Variants in NELL2 observed in about 807,000 individuals in gnomAD.
The protein encoded by NELL2 is neural EGFL like 2.
Under a neutral mutation model 109.6 loss-of-function variants are expected in NELL2, and 41 were observed. The observed-to-expected ratio is 0.37, with a 90% confidence interval of 0.29 to 0.49. The LOEUF (loss-of-function observed/expected upper bound fraction) is 0.49. Ranked by LOEUF, NELL2 falls within the 20% of genes least tolerant of loss-of-function variation. NELL2 has a pLI of 0.98. For missense variants in NELL2, 900 were observed against 1,008.3 expected (o/e 0.89, Z 1.45); for synonymous variants, 355 against 344.7 (o/e 1.03, Z -0.33).
intron 3 of NELL2, among the ~76,000 whole-genome samples, chr12:44,787,366 AAT>A (rs1942217351): frequency 6.6e-6 from 1 of 152,200 alleles, no homozygotes; most frequent in Non-Finnish European, 1.5e-5. Flanking sequence ...ATAAATGTTT[AAT>A]ATAATTCCTA....
At chr12:44,631,363 G>A (rs1946451789) in intron 13 of NELL2, among the ~76,000 whole-genome samples, 1 of 151,630 alleles carries the variant, frequency 6.6e-6, no homozygotes, top group Non-Finnish European at 1.5e-5. Flanking sequence ...GAATCACAAT[G>A]AAGGACTCAA....
intron 1 of NELL2, among the ~76,000 whole-genome samples, chr12:44,902,534 C>A (rs1392972077): frequency 6.6e-6 from 1 of 152,084 alleles, no homozygotes; most frequent in African/African-American, 2.4e-5. Flanking sequence ...ACTTTCTTCA[C>A]AGAATTAGAA....
chr12:44,748,937 A>C (rs185585336), intron 9 of NELL2, among the ~76,000 whole-genome samples: 1 of 152,196 alleles, frequency 6.6e-6, no homozygotes, highest in Non-Finnish European at 1.5e-5. Flanking sequence ...GTGAATTTGC[A>C]CATACTCATA....
intron 15 of NELL2, among the ~76,000 whole-genome samples, chr12:44,594,315 T>C (rs1944876517): frequency 6.6e-6 from 1 of 151,706 alleles, no homozygotes; most frequent in Non-Finnish European, 1.5e-5. Flanking sequence ...TATATATATA[T>C]GTACACAAGA....
At chr12:44,724,737 C>A (rs926428340) in intron 9 of NELL2, among the ~76,000 whole-genome samples, 1 of 140,392 alleles carries the variant, frequency 7.1e-6, no homozygotes, top group African/African-American at 2.7e-5. Flanking sequence ...ACATTCTTCA[C>A]AGAACTAGAA....
chr12:44,917,495 TCTAGGTATATGTGGTGAGCAGAC>T (rs1945837299), upstream of NELL2, among the ~76,000 whole-genome samples: 1 of 152,224 alleles, frequency 6.6e-6, no homozygotes, highest in Non-Finnish European at 1.5e-5. Flanking sequence ...CTGAGCCTTC[TCTAGGTATATGTGGTGAGCAGAC>T]CCTAGGGTGG....
chr12:44,706,601 TA>T (rs1418886874), intron 11 of NELL2, among the ~76,000 whole-genome samples: 1 of 151,788 alleles, frequency 6.6e-6, no homozygotes, highest in African/African-American at 2.4e-5. Context: ...AAAATTAGTA[TA>T]ATAACTACCT....
upstream of NELL2, among the ~76,000 whole-genome samples, chr12:44,914,619 A>G (rs1945812698): frequency 6.6e-6 from 1 of 152,182 alleles, no homozygotes; most frequent in South Asian, 2.1e-4. Flanking sequence ...CATGAGCACA[A>G]GATTTTTCTC....
chr12:44,558,354 C>A (rs1943333841), intron 15 of NELL2, among the ~76,000 whole-genome samples: 4 of 152,220 alleles, frequency 2.6e-5, no homozygotes, highest in Admixed American at 2.6e-4. Context: ...AAGAATGGAA[C>A]ATCAGGGGCT....
chr12:44,545,443 A>C (rs1942752398), intron 15 of NELL2, among the ~76,000 whole-genome samples: 1 of 152,128 alleles, frequency 6.6e-6, no homozygotes, highest in South Asian at 2.1e-4. Context: ...AAAATGTGCT[A>C]GACACTGTGG....
chr12:44,627,506 G>A (rs893826533), intron 13 of NELL2, among the ~76,000 whole-genome samples: 3 of 150,220 alleles, frequency 2.0e-5, no homozygotes, highest in South Asian at 2.1e-4. Flanking sequence ...GCTGTACAAC[G>A]AACTTATTAC....
intron 2 of NELL2, among the ~76,000 whole-genome samples, chr12:44,835,340 G>A (rs777588377): frequency 6.6e-6 from 1 of 152,216 alleles, no homozygotes; most frequent in Non-Finnish European, 1.5e-5. Flanking sequence ...TCATTAATGT[G>A]TTGGTTCCTT....
intron 10 of NELL2, among the ~76,000 whole-genome samples, chr12:44,712,430 T>C (rs1938254546): frequency 6.6e-6 from 1 of 152,000 alleles, no homozygotes; most frequent in South Asian, 2.1e-4. Context: ...TCAGTTCTGG[T>C]AATCTGATTT....
At chr12:44,915,785 CA>C (rs138041837), upstream of NELL2, among the ~76,000 whole-genome samples, 22 of 149,186 alleles carry the variant, frequency 1.5e-4, no homozygotes, top group African/African-American at 7.4e-5. Flanking sequence ...GGAAGAGATG[CA>C]AAAAAAAATG....
At chr12:44,892,763 AC>A (rs1215545169) in intron 1 of NELL2, among the ~76,000 whole-genome samples, 1 of 144,054 alleles carries the variant, frequency 6.9e-6, no homozygotes, top group Non-Finnish European at 1.5e-5. Flanking sequence ...GCACCACTGC[AC>A]TCCAGGCTGG....
chr12:44,905,767 C>A (rs151123492), intron 1 of NELL2, among the ~76,000 whole-genome samples: 218 of 151,994 alleles, frequency 1.4e-3, no homozygotes, highest in African/African-American at 4.5e-3. Context: ...TATAGGGGGA[C>A]CTTTGGTCTG....
At chr12:44,918,428 T>A (rs1222500046), upstream of NELL2, among the ~76,000 whole-genome samples, 3 of 152,060 alleles carry the variant, frequency 2.0e-5, no homozygotes, top group Non-Finnish European at 2.9e-5. Flanking sequence ...CTATTGTCAT[T>A]TATCTTAATC....
chr12:44,583,523 T>C (rs1479819464), intron 15 of NELL2, among the ~76,000 whole-genome samples: 1 of 152,130 alleles, frequency 6.6e-6, no homozygotes, highest in Admixed American at 6.5e-5. Context: ...AACCAATGAA[T>C]AAATAAAAGA....
chr12:44,861,749 C>G (rs892246548), intron 2 of NELL2, among the ~76,000 whole-genome samples: 8 of 152,344 alleles, frequency 5.3e-5, no homozygotes, highest in Middle Eastern at 6.8e-3. Context: ...GTCCAGGCAA[C>G]AGGCCTGCCA....
Sources: gnomAD v4.1 joint callset for allele counts (sites outside exome capture counted in the v4.1 genomes callset) on GRCh38, gnomAD v4.1.1 for gene constraint, MANE v1.5 for transcripts, NCBI Gene and HGNC (gene_info 2026-07-23, HGNC 2026-07-21) for gene names.